ATP5MC2: variants seen among roughly 807,000 people sequenced by gnomAD.
The protein encoded by ATP5MC2 is ATP synthase F(0) complex subunit C2, mitochondrial.
Under a neutral mutation model 13.5 loss-of-function variants are expected in ATP5MC2, and 11 were observed. The observed-to-expected ratio is 0.81, with a 90% CI of 0.51 to 1.35. ATP5MC2 has a LOEUF of 1.35. Ranked by LOEUF, ATP5MC2 falls within the 40% of genes most tolerant of loss-of-function variation. The pLI, the probability that ATP5MC2 is intolerant of heterozygous loss-of-function variation, is 0.00. For synonymous variants in ATP5MC2, 64 were observed against 69.7 expected, an observed-to-expected ratio of 0.92 and a Z score of 0.41; for missense variants, 132 against 175.0, an observed-to-expected ratio of 0.75 and a Z score of 1.39.
rs141724839 is a variant in ATP5MC2, at chr12:53,665,367, C to T, written c.373G>A (p.Ala125Thr). ...ACCATCAGACAAAAGAGCCCCATGG[C>T]CTCCGAGAGGGCAAAGCCCAGAATG... ...YAILGFALSE[A>T]MGLFCLMVAF... Residue 125 changes from alanine (A) to threonine (T), a missense_variant, in exon 5 of 5, where the codon GCC (alanine) becomes ACC (threonine). Coordinates refer to ENST00000394349, the MANE Select transcript of ATP5MC2 (RefSeq NM_005176.7). The T allele has an allele frequency of 6.2e-7, 1 of 1,613,874 alleles. No homozygotes were observed. The highest frequency in any genetic ancestry group is 1.3e-5 in the African/African-American group (1 of 74,878).
At chr12:53,679,265 G>C (rs1429231531), upstream of ATP5MC2, among the ~76,000 whole-genome samples, 1 of 151,884 alleles carries the variant, frequency 6.6e-6, no homozygotes, top group Non-Finnish European at 1.5e-5. Flanking sequence ...GAGAGAGAGA[G>C]AGAGAGAGAG....
chr12:53,670,803 A>G (rs1463303601), intron 2 of ATP5MC2, among the ~76,000 whole-genome samples: 6 of 151,806 alleles, frequency 4.0e-5, no homozygotes. Context: ...TTGTATTTTT[A>G]GTAGAGACAG....
upstream of ATP5MC2, chr12:53,676,362 A>G: frequency 1.1e-6 from 1 of 938,496 alleles, no homozygotes; most frequent in Non-Finnish European, 1.5e-6. Context: ...GGGATCTCGG[A>G]CTTGCGTCCC....
chr12:53,676,432 GT>G, upstream of ATP5MC2: 1 of 531,546 alleles, frequency 1.9e-6, no homozygotes, highest in Non-Finnish European at 3.3e-6. Flanking sequence ...AGAATTCAGT[GT>G]TAACATACGG....
At chr12:53,678,373 C>T (rs949844652), upstream of ATP5MC2, among the ~76,000 whole-genome samples, 13 of 112,380 alleles carry the variant, frequency 1.2e-4, no homozygotes, top group East Asian at 8.9e-4. Context: ...ACCATCACCA[C>T]CATCATCACC....
chr12:53,681,249 G>C (rs191856856), upstream of ATP5MC2, among the ~76,000 whole-genome samples: 1,007 of 151,788 alleles, frequency 6.6e-3, 5 homozygotes, highest in Non-Finnish European at 9.7e-3. Flanking sequence ...AACAAGGCCA[G>C]GCATGGTGGC....
chr12:53,673,819 C>CAAAA, intron 1 of ATP5MC2: 4 of 129,966 alleles, frequency 3.1e-5, no homozygotes, highest in South Asian at 1.4e-4. Context: ...GAAACTGTCT[C>CAAAA]AAAAAAAAAA....
chr12:53,681,280 C>T (rs1385971909), upstream of ATP5MC2, among the ~76,000 whole-genome samples: 3 of 151,454 alleles, frequency 2.0e-5, no homozygotes, highest in Non-Finnish European at 4.4e-5. Flanking sequence ...AATCCCAGCA[C>T]TTTGGGAGGC....
At chr12:53,671,214 A>T (rs1376815220) in intron 2 of ATP5MC2, among the ~76,000 whole-genome samples, 2 of 152,220 alleles carry the variant, frequency 1.3e-5, no homozygotes, top group Non-Finnish European at 2.9e-5. Flanking sequence ...TGAGATTCAA[A>T]TCTTAATTCT....
upstream of ATP5MC2, chr12:53,676,416 C>T: frequency 1.7e-6 from 1 of 589,694 alleles, no homozygotes; most frequent in Admixed American, 3.4e-5. Context: ...AACAAAACTC[C>T]TACTCAGAAT....
At position 53,672,083 on chromosome 12, in the gene ATP5MC2, CA is replaced by C. The variant is rs916010110; in HGVS notation, c.39+492del. 1.5e-3 allele frequency among the ~76,000 whole-genome samples: 73 copies of C among 47,176 alleles called. 1 individual carries two copies. The highest frequency in any genetic ancestry group is 1.8e-3 in the East Asian group (2 of 1,106). 30.9% of individuals were successfully genotyped at this position (47,176 alleles called of 152,430 possible). A position where few individuals can be genotyped will look rare whatever the true frequency, so the allele number is the denominator to read the frequency against. On this transcript the variant is annotated intron_variant, in intron 2 of 4. Transcript: ENST00000394349. Reference sequence around the variant, plus strand: ...GGGCAACAAGAGCGAAACTCTGTCTCAAAAAAAAAAAAAAAAAAAAAATTAA... The same window carrying C: ...GGGCAACAAGAGCGAAACTCTGTCTCAAAAAAAAAAAAAAAAAAAAATTAA...
chr12:53,667,956 C>CACATAT lies in ATP5MC2; in HGVS notation c.311+1191_311+1192insATATGT, dbSNP rs1390194186. 1.5e-3 allele frequency among the ~76,000 whole-genome samples: 104 copies of CACATAT among 67,298 alleles called. 1 individual carries two copies. Among genetic ancestry groups the CACATAT allele is most frequent in the Middle Eastern group, 0.011 (1 of 88 alleles). 44.2% of individuals were successfully genotyped at this position (67,298 alleles called of 152,430 possible). A position where few individuals can be genotyped will look rare whatever the true frequency, so the allele number is the denominator to read the frequency against. ...TCTAATACATACATACATACACACA[C>CACATAT]ATATATATATATATATATATATATA... On this transcript the variant is annotated intron_variant, in intron 4 of 4. Coordinates refer to ENST00000394349, the MANE Select transcript of ATP5MC2 (RefSeq NM_005176.7).
intron 2 of ATP5MC2, chr12:53,670,198 G>C: frequency 1.2e-5 from 6 of 519,346 alleles, no homozygotes; most frequent in South Asian, 9.8e-5. Flanking sequence ...GGCCATAAGG[G>C]AGCATCCAAC....
upstream of ATP5MC2, among the ~76,000 whole-genome samples, chr12:53,681,189 A>G (rs1945337935): frequency 6.6e-6 from 1 of 151,686 alleles, no homozygotes. Flanking sequence ...TACAGGCATG[A>G]GCCACTGTAT....
chr12:53,676,319 A>ACCGCGG (rs1945275411), upstream of ATP5MC2: 2 of 1,410,492 alleles, frequency 1.4e-6, no homozygotes, highest in African/African-American at 2.9e-5. Context: ...GCCGATCCGT[A>ACCGCGG]ACGTGGACTG....
At chr12:53,671,615 A>C (rs1327564992) in intron 2 of ATP5MC2, among the ~76,000 whole-genome samples, 1 of 152,206 alleles carries the variant, frequency 6.6e-6, no homozygotes, top group African/African-American at 2.4e-5. Context: ...AAGTTATGTA[A>C]TCTACTTATA....
intron 1 of ATP5MC2, 34 bp downstream of exon 1, chr12:53,676,019 A>G (rs916134): frequency 0.29 from 457,803 of 1,601,278 alleles, 67,113 homozygotes; most frequent in Admixed American, 0.4. Context: ...GCGCGTGCGC[A>G]GCGCACAGAG....
intron 3 of ATP5MC2, 64 bp from the exon 4 acceptor site, chr12:53,669,405 A>G (rs1205930533): frequency 8.6e-6 from 13 of 1,511,528 alleles, no homozygotes; most frequent in Non-Finnish European, 1.2e-5. Flanking sequence ...ACCATTTAAA[A>G]CCCTTTAAGC....
rs1944887913 is a variant in ATP5MC2 at position 53,665,444 on chromosome 12, G to A, written c.312-16C>T. ...AGAAGGGTTCCTGGTAGAAGGAGAA[G>A]AGAAAAGACTGAATTTCTAGTTCAC... On this transcript the variant is annotated splice_polypyrimidine_tract_variant and intron_variant, in intron 4 of 4. Transcript: ENST00000394349. 1.3e-6 allele frequency: 2 copies of A among 1,583,208 alleles called. No individual in the cohort carries two copies. Among genetic ancestry groups the A allele is most frequent in the Non-Finnish European group, 8.7e-7 (1 of 1,151,932 alleles).
Sources: gnomAD v4.1 joint callset for allele counts (sites outside exome capture counted in the v4.1 genomes callset) on GRCh38, gnomAD v4.1.1 for gene constraint, MANE v1.5 for transcripts, NCBI Gene and HGNC (gene_info 2026-07-23, HGNC 2026-07-21) for gene names.